The following IL23R variants were observed in gnomAD, a reference collection of about 807,000 sequenced individuals.
IL23R encodes the protein interleukin 23 receptor.
Under a neutral mutation model 56.9 loss-of-function variants are expected in IL23R, and 34 were observed. The ratio of observed to expected loss-of-function variants is 0.60; its 90% CI spans 0.45 to 0.80. The LOEUF (loss-of-function observed/expected upper bound fraction) is 0.80. Among genes scored for constraint, IL23R ranks in the 30% least tolerant of loss-of-function variants. The probability of loss-of-function intolerance (pLI) is 0.00; values close to 1 mark genes in which losing one functional copy is unlikely to be tolerated. For missense variants in IL23R, 635 were observed against 730.0 expected, an observed-to-expected ratio of 0.87 and a Z score of 1.50; for synonymous variants, 230 against 249.2, an observed-to-expected ratio of 0.92 and a Z score of 0.73.
In IL23R at chr1:67,233,929, C is replaced by CTGTGTG. The variant is rs57455484; in HGVS notation, c.956-2745_956-2740dup. ...AAAAAACAGTTTCCAGTCATAAAGGCTGTGTGTGTGTGTGTGTGTGTGTGT... is the reference window on the plus strand; with the variant it reads ...AAAAAACAGTTTCCAGTCATAAAGGCTGTGTGTGTGTGTGTGTGTGTGTGTGTGTGT... On this transcript the variant is annotated intron_variant, in intron 7 of 10. Coordinates refer to ENST00000347310, the MANE Select transcript of IL23R (RefSeq NM_144701.3). Among the ~76,000 whole-genome samples the CTGTGTG allele has an allele frequency of 1.4e-3, 191 of 138,762 alleles. 1 individual carries two copies. Among genetic ancestry groups the CTGTGTG allele is most frequent in the East Asian group, 3.6e-3 (16 of 4,416 alleles). The allele number at this position is 138,762 out of a possible 152,430, so 91.0% of individuals were successfully genotyped here.
intron 6 of IL23R, among the ~76,000 whole-genome samples, chr1:67,217,964 C>T (rs1649961276): frequency 6.6e-6 from 1 of 151,610 alleles, no homozygotes; most frequent in African/African-American, 2.4e-5. Context: ...ACTGCTTTCA[C>T]CTAGTTGTTG....
Position 67,168,113 on chromosome 1 carries a change from T to C in IL23R, c.-8T>C, listed in dbSNP as rs1477891137. ...CCAGAGGGAAACAGTCTTTTCCTGC[T>C]TCCAGACATGAATCAGGTCACTATT... On this transcript the variant is annotated 5_prime_UTR_variant, in exon 2 of 11. Transcript: ENST00000347310. The C allele has an allele frequency of 6.3e-7, 1 of 1,599,084 alleles. No individual in the cohort carries two copies.
intron 9 of IL23R, among the ~76,000 whole-genome samples, chr1:67,243,967 G>A (rs35380856): frequency 0.29 from 43,291 of 151,866 alleles, 7,334 homozygotes; most frequent in East Asian, 0.72. Flanking sequence ...CCTTGCCAGC[G>A]TCTCTTGTTT....
At position 67,255,936 on chromosome 1, in the gene IL23R, ACAT is replaced by A. The variant is rs750205904; in HGVS notation, c.1239+14_1239+16del. The A allele has an allele frequency of 4.0e-6, 6 of 1,513,498 alleles. No homozygotes were observed. In the Admixed American group the frequency reaches 6.7e-5, roughly 17 times the overall value. 93.8% of individuals were successfully genotyped at this position (1,513,498 alleles called of 1,614,324 possible). A position where few individuals can be genotyped will look rare whatever the true frequency, so the allele number is the denominator to read the frequency against. On this transcript the variant is annotated intron_variant, in intron 10 of 10. Coordinates refer to ENST00000347310, the MANE Select transcript of IL23R (RefSeq NM_144701.3). ...TTGTGAAAATGCTACAGGTAACCTA[ACAT>A]CATCCAACAAAAACTGAGTGGCAAT...
At chr1:67,239,660 TC>T (rs1234394604) in intron 8 of IL23R, among the ~76,000 whole-genome samples, 1 of 152,320 alleles carries the variant, frequency 6.6e-6, no homozygotes, top group East Asian at 1.9e-4. Flanking sequence ...GTGTATGATT[TC>T]TTTCTTATCA....
intron 4 of IL23R, among the ~76,000 whole-genome samples, chr1:67,198,882 T>C (rs148414949): frequency 7.9e-5 from 12 of 152,184 alleles, no homozygotes; most frequent in Admixed American, 3.9e-4. Context: ...GAGGTCAAGG[T>C]TGCAGTGAGC....
At chr1:67,230,546 CTTA>C (rs139049785) in intron 7 of IL23R, among the ~76,000 whole-genome samples, 43,267 of 151,864 alleles carry the variant, frequency 0.28, 7,271 homozygotes, top group East Asian at 0.72. Flanking sequence ...TTTTCCTCCT[CTTA>C]TTCTTTCTTT....
At chr1:67,142,726 C>T (rs746842394) in intron 1 of IL23R, among the ~76,000 whole-genome samples, 2 of 152,048 alleles carry the variant, frequency 1.3e-5, no homozygotes, top group Non-Finnish European at 2.9e-5. Context: ...CCACCAAGCC[C>T]GGCCAATTTT....
At position 67,195,607 on chromosome 1, in the gene IL23R, C is replaced by T. The variant is rs531979492; in HGVS notation, c.492-5130C>T. On this transcript the variant is annotated intron_variant, in intron 4 of 10. Coordinates refer to ENST00000347310, the MANE Select transcript of IL23R (RefSeq NM_144701.3). ...CACCATGACATACCCTCCTCGTCCT[C>T]TCATGGTGTTCATAGTGATCTCACG... Among the ~76,000 whole-genome samples, 4 of 152,194 alleles carry T rather than the reference C, an allele frequency of 2.6e-5. No individual in the cohort carries two copies. In the South Asian group the frequency reaches 8.3e-4, roughly 32 times the overall value.
chr1:67,255,809 C>A (rs757250122), intron 9 of IL23R, 28 bp from the exon 10 acceptor site: 1 of 1,118,586 alleles, frequency 8.9e-7, no homozygotes. Context: ...TTGCCTGCTT[C>A]TTCTAACGTG....
intron 5 of IL23R, among the ~76,000 whole-genome samples, chr1:67,205,917 TTCTTTCTTTTTC>T (rs1410197117): frequency 1.4e-5 from 2 of 144,850 alleles, no homozygotes; most frequent in Non-Finnish European, 3.0e-5. Flanking sequence ...CTTTCTTTCT[TTCTTTCTTTTTC>T]TTTCTTTCTT....
intron 6 of IL23R, among the ~76,000 whole-genome samples, chr1:67,217,736 C>CAA (rs1649940056): frequency 6.7e-6 from 1 of 149,870 alleles, no homozygotes; most frequent in Non-Finnish European, 1.5e-5. Context: ...TCAGAGTTTC[C>CAA]ATAAGCCATG....
At chr1:67,260,783 G>A (rs11810040), downstream of IL23R, among the ~76,000 whole-genome samples, 1 of 152,120 alleles carries the variant, frequency 6.6e-6, no homozygotes, top group African/African-American at 2.4e-5. Context: ...TATAGTCCTA[G>A]CTACTCAGGA....
chr1:67,200,994 C>T (rs373943007), intron 5 of IL23R, 97 bp downstream of exon 5: 43 of 1,240,828 alleles, frequency 3.5e-5, no homozygotes, highest in African/African-American at 1.9e-4. Flanking sequence ...CCCTAAAGTT[C>T]CTGCAGAGCA....
chr1:67,196,391 T>A (rs1050727527), intron 4 of IL23R: 1 of 152,054 alleles, frequency 6.6e-6, no homozygotes, highest in Non-Finnish European at 1.5e-5. Context: ...AATAAAAAAA[T>A]TAGTTAGGCC....
intron 1 of IL23R, among the ~76,000 whole-genome samples, chr1:67,160,015 A>G (rs1262419280): frequency 6.6e-6 from 1 of 152,090 alleles, no homozygotes; most frequent in African/African-American, 2.4e-5. Context: ...TTTAATATTT[A>G]TTTATTTATT....
Position 67,167,573 on chromosome 1 carries a change from C to T in IL23R, c.-29-519C>T, listed in dbSNP as rs560064282. ...AGAAGAATTCATCACCAGAAGTTAG[C>T]TCAGCCCAGGCACCATGGTTCATGC... On this transcript the variant is annotated intron_variant, in intron 1 of 10. Transcript: ENST00000347310. Among the ~76,000 whole-genome samples, 3 of 152,184 alleles carry T rather than the reference C, an allele frequency of 2.0e-5. No homozygotes were observed. In the South Asian group the frequency reaches 6.2e-4, roughly 32 times the overall value.
intron 9 of IL23R, among the ~76,000 whole-genome samples, chr1:67,252,248 T>C (rs908612707): frequency 5.3e-5 from 8 of 151,890 alleles, no homozygotes; most frequent in Admixed American, 6.6e-5. Flanking sequence ...CCTACCTAAG[T>C]GTGCAAGAAA....
intron 9 of IL23R, among the ~76,000 whole-genome samples, chr1:67,250,475 G>A (rs962356541): frequency 6.6e-6 from 1 of 152,140 alleles, no homozygotes; most frequent in African/African-American, 2.4e-5. Context: ...AGAATCTAAT[G>A]CCTCCAAGAT....
Sources: allele counts gnomAD v4.1 joint callset (sites outside exome capture counted in the v4.1 genomes callset), GRCh38; gene constraint gnomAD v4.1.1; transcripts MANE v1.5; gene names NCBI Gene and HGNC (gene_info 2026-07-23, HGNC 2026-07-21).